TBC1D8: variants seen among roughly 807,000 people sequenced by gnomAD.
TBC1D8 encodes the protein TBC1 domain family member 8.
In TBC1D8, 65 loss-of-function variants were observed where a neutral mutation model predicts 118.8. That is an observed-to-expected ratio of 0.55 (90% CI 0.45 to 0.67). TBC1D8 has a LOEUF of 0.67. Among genes scored for constraint, TBC1D8 ranks in the 30% least tolerant of loss-of-function variants. TBC1D8 has a pLI of 0.00. For synonymous variants in TBC1D8, 566 were observed against 595.8 expected, an observed-to-expected ratio of 0.95 and a Z score of 0.73; for missense variants, 1,376 against 1,471.2, an observed-to-expected ratio of 0.94 and a Z score of 1.06.
chr2:101,136,669 A>C (rs1437977592), intron 1 of TBC1D8, among the ~76,000 whole-genome samples: 1 of 152,218 alleles, frequency 6.6e-6, no homozygotes, highest in African/African-American at 2.4e-5. Context: ...ACACTTGTGC[A>C]TACATACAAT....
At chr2:101,081,688 C>T (rs1675276543) in intron 2 of TBC1D8, among the ~76,000 whole-genome samples, 5 of 152,210 alleles carry the variant, frequency 3.3e-5, no homozygotes, top group Admixed American at 3.3e-4. Flanking sequence ...CTCAGTTAAT[C>T]TACAGGAAAA....
At chr2:101,116,679 C>A (rs1451202010) in intron 1 of TBC1D8, among the ~76,000 whole-genome samples, 1 of 151,170 alleles carries the variant, frequency 6.6e-6, no homozygotes, top group Non-Finnish European at 1.5e-5. Context: ...CTCCCTCTGT[C>A]CCCCAGGCTA....
At chr2:101,019,242 A>T (rs997587558) in intron 17 of TBC1D8, 1 of 486,542 alleles carries the variant, frequency 2.1e-6, no homozygotes, top group East Asian at 3.0e-5. Context: ...CAGGCAAGTA[A>T]TAAGACTTAA....
intron 2 of TBC1D8, among the ~76,000 whole-genome samples, chr2:101,075,488 A>G (rs1391964050): frequency 6.6e-6 from 1 of 152,070 alleles, no homozygotes; most frequent in East Asian, 1.9e-4. Context: ...AATTCCCACA[A>G]TTCCCACGTG....
intron 1 of TBC1D8, among the ~76,000 whole-genome samples, chr2:101,131,731 C>T (rs1489210378): frequency 6.6e-6 from 1 of 152,006 alleles, no homozygotes; most frequent in Non-Finnish European, 1.5e-5. Context: ...AGGAGAATGA[C>T]GTGAACCCAG....
chr2:101,126,805 A>C (rs1466608373), intron 1 of TBC1D8, among the ~76,000 whole-genome samples: 1 of 152,234 alleles, frequency 6.6e-6, no homozygotes, highest in African/African-American at 2.4e-5. Context: ...AAGACAGACA[A>C]GGTCAATTGT....
chr2:101,138,628 G>A (rs1678962604), intron 1 of TBC1D8, among the ~76,000 whole-genome samples: 1 of 152,138 alleles, frequency 6.6e-6, no homozygotes, highest in Non-Finnish European at 1.5e-5. Context: ...AGCTTATTAT[G>A]TAATAAAGAA....
chr2:101,097,122 G>T (rs1231319857), intron 1 of TBC1D8, among the ~76,000 whole-genome samples: 1 of 152,110 alleles, frequency 6.6e-6, no homozygotes, highest in Non-Finnish European at 1.5e-5. Flanking sequence ...AAGAATTACT[G>T]CAGACTTCTC....
At chr2:101,055,914 C>T (rs888623849) in intron 3 of TBC1D8, among the ~76,000 whole-genome samples, 1 of 152,074 alleles carries the variant, frequency 6.6e-6, no homozygotes, top group African/African-American at 2.4e-5. Context: ...TTTGAGGTTA[C>T]AGTGCACTAT....
intron 17 of TBC1D8, among the ~76,000 whole-genome samples, chr2:101,012,627 A>T (rs201673463): frequency 1.3e-5 from 1 of 75,232 alleles, no homozygotes; most frequent in Admixed American, 1.4e-4. Context: ...TGAATATACA[A>T]AAAAAAAAAA....
At chr2:101,123,553 C>T (rs1381528850) in intron 1 of TBC1D8, among the ~76,000 whole-genome samples, 1 of 152,076 alleles carries the variant, frequency 6.6e-6, no homozygotes, top group Non-Finnish European at 1.5e-5. Flanking sequence ...CTCACCTGCC[C>T]CCGTGACAAT....
intron 1 of TBC1D8, among the ~76,000 whole-genome samples, chr2:101,107,198 TAG>T (rs1300171951): frequency 6.6e-6 from 1 of 152,156 alleles, no homozygotes; most frequent in Non-Finnish European, 1.5e-5. Context: ...GGTAATGAAC[TAG>T]AGTCAGAGAC....
chr2:101,037,745 G>A (rs376372458), intron 7 of TBC1D8, 37 bp from the exon 8 acceptor site: 39 of 1,606,246 alleles, frequency 2.4e-5, no homozygotes, highest in Admixed American at 5.0e-5. Flanking sequence ...AGAGAGAGAG[G>A]AGAGGAGAAA....
chr2:101,129,810 C>T (rs1436630852), intron 1 of TBC1D8, among the ~76,000 whole-genome samples: 2 of 151,392 alleles, frequency 1.3e-5, no homozygotes, highest in Non-Finnish European at 2.9e-5. Flanking sequence ...GAGACTGAGG[C>T]AGGAGAATGG....
chr2:101,145,265 T>C (rs1415817015), intron 1 of TBC1D8, among the ~76,000 whole-genome samples: 2 of 152,378 alleles, frequency 1.3e-5, no homozygotes, highest in East Asian at 3.9e-4. Flanking sequence ...AAGGCTTTTA[T>C]TAATAGATTA....
intron 3 of TBC1D8, among the ~76,000 whole-genome samples, chr2:101,055,376 C>A (rs1234358344): frequency 6.6e-6 from 1 of 150,472 alleles, no homozygotes; most frequent in Non-Finnish European, 1.5e-5. Context: ...ATGACAGAGT[C>A]CTCAAAAAAA....
intron 15 of TBC1D8, 76 bp downstream of exon 15, chr2:101,027,307 T>C: frequency 7.3e-7 from 1 of 1,365,280 alleles, no homozygotes; most frequent in South Asian, 1.2e-5. Context: ...CTGCATGCTG[T>C]CCCCTGGGCA....
chr2:101,045,474 G>A (rs531913581), intron 5 of TBC1D8, among the ~76,000 whole-genome samples: 20 of 152,172 alleles, frequency 1.3e-4, no homozygotes, highest in Non-Finnish European at 2.5e-4. Context: ...GCTTAACGTT[G>A]CTTCCAGGCT....
At chr2:101,148,199 T>C (rs117628207) in intron 1 of TBC1D8, among the ~76,000 whole-genome samples, 1 of 152,190 alleles carries the variant, frequency 6.6e-6, no homozygotes, top group South Asian at 2.1e-4. Context: ...CTTTCCATAA[T>C]GGTCAGACTG....
Sources: gnomAD v4.1 joint callset for allele counts (sites outside exome capture counted in the v4.1 genomes callset) on GRCh38, gnomAD v4.1.1 for gene constraint, MANE v1.5 for transcripts, NCBI Gene and HGNC (gene_info 2026-07-23, HGNC 2026-07-21) for gene names.